LDB2: variants seen among roughly 807,000 people sequenced by gnomAD.
LDB2 encodes the protein LIM domain-binding protein 2.
Under a neutral mutation model 44.3 loss-of-function variants are expected in LDB2, and 12 were observed. The ratio of observed to expected loss-of-function variants is 0.27; its 90% confidence interval spans 0.17 to 0.44. LDB2 has a LOEUF of 0.44. Ranked by LOEUF, LDB2 falls within the 20% of genes least tolerant of loss-of-function variation. The probability of loss-of-function intolerance (pLI) is 1.00; values close to 1 mark genes in which losing one functional copy is unlikely to be tolerated. For synonymous variants in LDB2, 164 were observed against 174.8 expected (o/e 0.94, Z 0.49); for missense variants, 344 against 473.5 (o/e 0.73, Z 2.54).
At chr4:16,546,625 C>T (rs1327691907) in intron 5 of LDB2, among the ~76,000 whole-genome samples, 1 of 152,146 alleles carries the variant, frequency 6.6e-6, no homozygotes, top group Non-Finnish European at 1.5e-5. Flanking sequence ...GTCTTCAGCT[C>T]CTTGCCACCC....
chr4:16,766,640 G>A (rs765930299), intron 1 of LDB2, among the ~76,000 whole-genome samples: 1 of 151,310 alleles, frequency 6.6e-6, no homozygotes, highest in African/African-American at 2.4e-5. Context: ...CGAGTAGCTG[G>A]GATTATAGGC....
At chr4:16,733,660 C>T (rs1761234972) in intron 2 of LDB2, among the ~76,000 whole-genome samples, 1 of 152,180 alleles carries the variant, frequency 6.6e-6, no homozygotes, top group Non-Finnish European at 1.5e-5. Context: ...CTTTGTGTGG[C>T]ACCAGCGAAT....
intron 2 of LDB2, among the ~76,000 whole-genome samples, chr4:16,621,917 A>T (rs561794594): frequency 1.4e-3 from 219 of 152,322 alleles, no homozygotes; most frequent in African/African-American, 4.9e-3. Flanking sequence ...TTTTTCTTAG[A>T]TTAAAAACCA....
At chr4:16,836,576 G>T (rs562372804) in intron 1 of LDB2, among the ~76,000 whole-genome samples, 2 of 152,262 alleles carry the variant, frequency 1.3e-5, no homozygotes, top group East Asian at 1.9e-4. Flanking sequence ...CTCAGACAGA[G>T]GCCAACGTCT....
intron 5 of LDB2, among the ~76,000 whole-genome samples, chr4:16,554,756 G>C (rs1042259080): frequency 6.6e-6 from 1 of 152,204 alleles, no homozygotes; most frequent in Non-Finnish European, 1.5e-5. Context: ...GGTGGCCAGA[G>C]GTTAAATGGG....
At chr4:16,506,955 G>T (rs552080475) in intron 7 of LDB2, 1 of 152,256 alleles carries the variant, frequency 6.6e-6, no homozygotes, top group East Asian at 1.9e-4. Context: ...TTAACTCCAG[G>T]ATTGGATAAA....
chr4:16,712,377 C>A (rs1015424421), intron 2 of LDB2, among the ~76,000 whole-genome samples: 1 of 152,054 alleles, frequency 6.6e-6, no homozygotes, highest in Non-Finnish European at 1.5e-5. Flanking sequence ...CATGGTGAAA[C>A]CCCGTCTCTA....
chr4:16,730,833 A>G (rs535350264), intron 2 of LDB2, among the ~76,000 whole-genome samples: 6 of 152,088 alleles, frequency 3.9e-5, no homozygotes, highest in African/African-American at 1.2e-4. Context: ...GCCATTTACC[A>G]AGCTCCTATA....
At chr4:16,804,560 A>G (rs1561286470) in intron 1 of LDB2, among the ~76,000 whole-genome samples, 1 of 152,174 alleles carries the variant, frequency 6.6e-6, no homozygotes, top group Non-Finnish European at 1.5e-5. Flanking sequence ...GGGCGACTCT[A>G]AAGCAGAATA....
intron 2 of LDB2, among the ~76,000 whole-genome samples, chr4:16,643,498 CATTATT>C (rs772151156): frequency 6.6e-6 from 1 of 152,154 alleles, no homozygotes; most frequent in Non-Finnish European, 1.5e-5. Flanking sequence ...TCATCATTAT[CATTATT>C]ATTTATTATT....
chr4:16,702,259 C>T (rs554693519), intron 2 of LDB2, among the ~76,000 whole-genome samples: 7 of 152,284 alleles, frequency 4.6e-5, no homozygotes, highest in Admixed American at 2.6e-4. Flanking sequence ...TATTTCCATT[C>T]GGTTTGCAAT....
intron 5 of LDB2, among the ~76,000 whole-genome samples, chr4:16,551,620 C>G (rs1268649545): frequency 1.3e-5 from 2 of 152,096 alleles, no homozygotes; most frequent in Non-Finnish European, 2.9e-5. Flanking sequence ...TGGGTTCAAA[C>G]AATTCTCCTG....
intron 1 of LDB2, among the ~76,000 whole-genome samples, chr4:16,830,829 T>C (rs189930505): frequency 2.0e-5 from 3 of 152,310 alleles, no homozygotes; most frequent in Admixed American, 2.0e-4. Context: ...GAAAGGAAGA[T>C]GGCTGATCCA....
intron 2 of LDB2, among the ~76,000 whole-genome samples, chr4:16,673,369 G>A (rs1745422174): frequency 6.6e-6 from 1 of 152,170 alleles, no homozygotes; most frequent in Non-Finnish European, 1.5e-5. Context: ...ATAATTATTA[G>A]AAGTAGTAGA....
At chr4:16,836,487 C>T (rs1359057983) in intron 1 of LDB2, among the ~76,000 whole-genome samples, 2 of 152,174 alleles carry the variant, frequency 1.3e-5, no homozygotes, top group African/African-American at 2.4e-5. Context: ...GATGTCAAAG[C>T]TCTCCAAATT....
intron 1 of LDB2, among the ~76,000 whole-genome samples, chr4:16,819,494 A>C (rs1174546895): frequency 6.7e-6 from 1 of 150,026 alleles, no homozygotes; most frequent in Non-Finnish European, 1.5e-5. Context: ...ATTTCTGCAC[A>C]GAAAATATTC....
intron 2 of LDB2, among the ~76,000 whole-genome samples, chr4:16,721,981 C>T (rs2152683705): frequency 6.6e-6 from 1 of 152,142 alleles, no homozygotes; most frequent in South Asian, 2.1e-4. Context: ...AATTAAAATA[C>T]CATAAACTAA....
At chr4:16,858,630 A>G (rs1174713854) in intron 1 of LDB2, among the ~76,000 whole-genome samples, 1 of 152,204 alleles carries the variant, frequency 6.6e-6, no homozygotes, top group Non-Finnish European at 1.5e-5. Context: ...CCCATCGGTT[A>G]TCTGTGTCGC....
intron 1 of LDB2, among the ~76,000 whole-genome samples, chr4:16,764,760 A>C (rs1361581082): frequency 6.6e-6 from 1 of 152,244 alleles, no homozygotes; most frequent in African/African-American, 2.4e-5. Flanking sequence ...ATGATGCGGA[A>C]GTACCACAAA....
Sources: allele counts gnomAD v4.1 joint callset (sites outside exome capture counted in the v4.1 genomes callset), GRCh38; gene constraint gnomAD v4.1.1; transcripts MANE v1.5; gene names NCBI Gene and HGNC (gene_info 2026-07-23, HGNC 2026-07-21).